Variants in LIMS1 observed in about 807,000 individuals in gnomAD.
LIMS1 encodes LIM and senescent cell antigen-like-containing domain protein 1.
A neutral mutation model predicts 44.1 loss-of-function variants in LIMS1; 18 were observed. That is an observed-to-expected ratio of 0.41 (90% CI 0.28 to 0.61). The LOEUF (loss-of-function observed/expected upper bound fraction) is 0.61, where lower values mean the gene tolerates loss of function less well. Ranked by LOEUF, LIMS1 falls within the 20% of genes least tolerant of loss-of-function variation. The pLI, the probability that LIMS1 is intolerant of heterozygous loss-of-function variation, is 0.32. For missense variants in LIMS1, 201 were observed against 422.0 expected, an observed-to-expected ratio of 0.48 and a Z score of 4.59; for synonymous variants, 93 against 149.1, an observed-to-expected ratio of 0.62 and a Z score of 2.74.
intron 1 of LIMS1, among the ~76,000 whole-genome samples, chr2:108,536,053 T>G (rs1287151566): frequency 6.6e-6 from 1 of 152,218 alleles, no homozygotes; most frequent in Non-Finnish European, 1.5e-5. Context: ...GATATAAAAT[T>G]TAAAGTATTT....
rs756749206 is a variant in LIMS1, at chr2:108,675,996, G to GTGAA, written c.650_653dup (p.Ala219GlufsTer18). ...CCGACGGCCCATCGAAGGGCGCGTG[G>GTGAA]TGAACGCTATGGGCAAGCAGTGGCA... On this transcript the variant is annotated frameshift_variant, in exon 6 of 10. Coordinates refer to ENST00000544547, the Ensembl canonical transcript of LIMS1. LOFTEE classifies it high-confidence loss of function. 8 of 1,614,016 alleles carry GTGAA rather than the reference G, an allele frequency of 5.0e-6. No individual in the cohort carries two copies. The highest frequency in any genetic ancestry group is 6.8e-6 in the Non-Finnish European group (8 of 1,179,912).
At chr2:108,536,969 G>A (rs540276380) in intron 1 of LIMS1, among the ~76,000 whole-genome samples, 1 of 152,238 alleles carries the variant, frequency 6.6e-6, no homozygotes, top group Admixed American at 6.5e-5. Context: ...TACAGAAATC[G>A]TATGTTTAGT....
intron 1 of LIMS1, among the ~76,000 whole-genome samples, chr2:108,648,265 G>A (rs1382876436): frequency 3.3e-5 from 5 of 152,164 alleles, no homozygotes; most frequent in Admixed American, 3.3e-4. Flanking sequence ...CAAGGGATGT[G>A]AAGGACCTCT....
chr2:108,598,352 T>G (rs1194642757), intron 1 of LIMS1, among the ~76,000 whole-genome samples: 1 of 152,212 alleles, frequency 6.6e-6, no homozygotes, highest in Non-Finnish European at 1.5e-5. Flanking sequence ...TTTGAGACTT[T>G]TTGTTGTTGT....
intron 1 of LIMS1, among the ~76,000 whole-genome samples, chr2:108,587,283 T>G (rs1686147450): frequency 7.0e-6 from 1 of 142,944 alleles, no homozygotes; most frequent in Non-Finnish European, 1.5e-5. Context: ...AGTTGTTTTC[T>G]TGGGGTTTGT....
At chr2:108,634,916 C>T (rs1413540726) in intron 1 of LIMS1, among the ~76,000 whole-genome samples, 1 of 152,194 alleles carries the variant, frequency 6.6e-6, no homozygotes, top group African/African-American at 2.4e-5. Flanking sequence ...CTTTATTCTC[C>T]TCTTGTTCTT....
At chr2:108,621,588 TA>T in intron 1 of LIMS1, 1 of 698,344 alleles carries the variant, frequency 1.4e-6, no homozygotes, top group Non-Finnish European at 2.5e-6. Flanking sequence ...AGTCTGTAAT[TA>T]AAAACTGAAC....
intron 1 of LIMS1, among the ~76,000 whole-genome samples, chr2:108,652,517 A>C (rs1012972928): frequency 1.8e-4 from 27 of 152,272 alleles, no homozygotes; most frequent in Non-Finnish European, 7.3e-5. Context: ...TGGTTGCCAG[A>C]GGTTAGGAGT....
At chr2:108,639,113 A>G (rs1689486909) in intron 1 of LIMS1, among the ~76,000 whole-genome samples, 1 of 152,204 alleles carries the variant, frequency 6.6e-6, no homozygotes, top group African/African-American at 2.4e-5. Flanking sequence ...TTTGCGATAC[A>G]GAACACAACA....
At chr2:108,663,230 C>G (rs1229842048) in intron 2 of LIMS1, among the ~76,000 whole-genome samples, 7 of 152,074 alleles carry the variant, frequency 4.6e-5, no homozygotes, top group Non-Finnish European at 8.8e-5. Context: ...GCAATCCTCC[C>G]ACCTCAGCCT....
rs540678964 is a variant in LIMS1 at position 108,573,270 on chromosome 2, A to T, written c.32+38676A>T. Among the ~76,000 whole-genome samples the T allele has an allele frequency of 4.0e-5, 6 of 149,958 alleles. No homozygotes were observed. The South Asian group carries it at 1.3e-3, about 32-fold the overall frequency. ...TCATGGGCCACACTGAGCAATACTG[A>T]TCAGCAGTCCTGCTTCTCCCGTTTT... is the stretch of plus-strand genomic sequence containing the variant. On this transcript the variant is annotated intron_variant, in intron 1 of 9. Transcript: ENST00000544547.
chr2:108,580,261 G>A (rs908229956), intron 1 of LIMS1, among the ~76,000 whole-genome samples: 2 of 152,126 alleles, frequency 1.3e-5, no homozygotes, highest in African/African-American at 4.8e-5. Flanking sequence ...ACTGCAGGGT[G>A]TTAGTCTCTA....
intron 1 of LIMS1, among the ~76,000 whole-genome samples, chr2:108,612,029 T>TACACAC (rs71381969): frequency 1.7e-3 from 136 of 79,948 alleles, no homozygotes; most frequent in Middle Eastern, 5.6e-3. Context: ...CACACACATA[T>TACACAC]ACACACACAC....
At chr2:108,577,976 C>G (rs1685732688) in intron 1 of LIMS1, among the ~76,000 whole-genome samples, 1 of 152,202 alleles carries the variant, frequency 6.6e-6, no homozygotes, top group East Asian at 1.9e-4. Flanking sequence ...GTGGCACAGT[C>G]TCGGCTCACT....
At chr2:108,565,788 G>T (rs959156657) in intron 1 of LIMS1, among the ~76,000 whole-genome samples, 1 of 152,160 alleles carries the variant, frequency 6.6e-6, no homozygotes, top group Non-Finnish European at 1.5e-5. Flanking sequence ...AGCAGGTTCA[G>T]TGTCTGGTGA....
intron 1 of LIMS1, among the ~76,000 whole-genome samples, chr2:108,597,517 T>C (rs1468038810): frequency 1.3e-5 from 2 of 152,178 alleles, no homozygotes; most frequent in Non-Finnish European, 2.9e-5. Context: ...CAACATCAAG[T>C]TCTTTCCGGC....
intron 1 of LIMS1, among the ~76,000 whole-genome samples, chr2:108,618,871 AAGGCCC>A (rs1468786891): frequency 7.2e-5 from 11 of 151,956 alleles, no homozygotes; most frequent in African/African-American, 2.4e-4. Flanking sequence ...GCCTTCCCCA[AAGGCCC>A]AGAATTTAAT....
intron 1 of LIMS1, among the ~76,000 whole-genome samples, chr2:108,613,700 G>A (rs1687779595): frequency 6.6e-6 from 1 of 152,144 alleles, no homozygotes; most frequent in Non-Finnish European, 1.5e-5. Flanking sequence ...TTAAGACACG[G>A]GCGGCCCTTG....
chr2:108,659,561 A>G, intron 1 of LIMS1, 44 bp from the exon 2 acceptor site: 1 of 1,602,106 alleles, frequency 6.2e-7, no homozygotes, highest in South Asian at 1.1e-5. Flanking sequence ...TCGATCTAAG[A>G]AGTGGCTGAC....
Sources: gnomAD v4.1 joint callset for allele counts (sites outside exome capture counted in the v4.1 genomes callset) on GRCh38, gnomAD v4.1.1 for gene constraint, MANE v1.5 for transcripts, NCBI Gene and HGNC (gene_info 2026-07-23, HGNC 2026-07-21) for gene names.